Variants in FCAR observed in about 807,000 individuals in gnomAD.
FCAR encodes the protein Fc alpha receptor.
A neutral mutation model predicts 27.1 loss-of-function variants in FCAR; 21 were observed. The ratio of observed to expected loss-of-function variants is 0.77; its 90% CI spans 0.55 to 1.11. FCAR has a LOEUF of 1.11. Among genes scored for constraint, FCAR ranks in the 50% most tolerant of loss-of-function variants. The pLI is 0.00. For missense variants in FCAR, 404 were observed against 358.4 expected, an observed-to-expected ratio of 1.13 and a Z score of -1.03; for synonymous variants, 134 against 135.8, an observed-to-expected ratio of 0.99 and a Z score of 0.09.
At chr19:54,877,001 T>A (rs2066136143) in intron 2 of FCAR, among the ~76,000 whole-genome samples, 1 of 152,222 alleles carries the variant, frequency 6.6e-6, no homozygotes, top group South Asian at 2.1e-4. Context: ...GATAGTTTGC[T>A]AGTATTTTGT....
intron 3 of FCAR, among the ~76,000 whole-genome samples, chr19:54,887,617 T>C (rs1232859621): frequency 1.4e-5 from 2 of 143,154 alleles, no homozygotes; most frequent in South Asian, 2.2e-4. Flanking sequence ...TGAGACTCCA[T>C]CTCAAAAAAC....
chr19:54,874,554 T>C (rs1359776460), intron 1 of FCAR, among the ~76,000 whole-genome samples: 2 of 152,138 alleles, frequency 1.3e-5, no homozygotes, highest in African/African-American at 2.4e-5. Context: ...TAGTGTGTTA[T>C]CTGGGATTCA....
Position 54,889,873 on chromosome 19 carries a change from GGT to G in FCAR, c.*12_*13del, listed in dbSNP as rs748435350. 1 of 1,589,682 alleles carries G rather than the reference GGT, an allele frequency of 6.3e-7. No homozygotes were observed. Among genetic ancestry groups the G allele is most frequent in the South Asian group, 1.1e-5 (1 of 90,882 alleles). On this transcript the variant is annotated 3_prime_UTR_variant, in exon 5 of 5. Coordinates refer to ENST00000355524, the MANE Select transcript of FCAR (RefSeq NM_002000.4). ...AAGTGTCTGCAAGTAAACACCTGGA[GGT>G]GAAGGCAGAGAGGAGCCAGGACTGT...
At chr19:54,889,623 T>C (rs371887172) in intron 4 of FCAR, 26 bp from the exon 5 acceptor site, 2 of 1,582,782 alleles carry the variant, frequency 1.3e-6, no homozygotes, top group Non-Finnish European at 1.7e-6. Flanking sequence ...CCACCAACCA[T>C]TCATCTCCTT....
chr19:54,889,690 A>C lies in FCAR; in HGVS notation c.691A>C (p.Met231Leu). Reference protein sequence around the residue: ...QDYTTQNLIRMAVAGLVLVAL... With the variant: ...QDYTTQNLIRLAVAGLVLVAL... Reference sequence around the variant, plus strand: ...TTACACGACGCAGAACTTGATCCGCATGGCCGTGGCAGGACTGGTCCTCGT... The same window carrying C: ...TTACACGACGCAGAACTTGATCCGCCTGGCCGTGGCAGGACTGGTCCTCGT... Residue 231 changes from methionine to leucine, a missense_variant, in exon 5 of 5, where the codon ATG becomes CTG. Physicochemically the swap from Met to Leu is conservative, Grantham distance 15. Coordinates refer to ENST00000355524, the MANE Select transcript of FCAR (RefSeq NM_002000.4). The C allele has an allele frequency of 6.2e-7, 1 of 1,614,172 alleles. No individual in the cohort carries two copies. The highest frequency in any genetic ancestry group is 8.5e-7 in the Non-Finnish European group (1 of 1,180,026).
At chr19:54,875,249 T>C (rs1319265030) in intron 1 of FCAR, 81 bp from the exon 2 acceptor site, 1 of 1,194,952 alleles carries the variant, frequency 8.4e-7, no homozygotes, top group Non-Finnish European at 1.2e-6. Context: ...CTGGTCTTTT[T>C]CTGGTCTGTC....
intron 2 of FCAR, among the ~76,000 whole-genome samples, chr19:54,877,340 G>A (rs957181432): frequency 1.3e-5 from 2 of 152,110 alleles, no homozygotes; most frequent in African/African-American, 4.8e-5. Context: ...GGGTGTATGT[G>A]TCCAGGAATT....
intron 2 of FCAR, among the ~76,000 whole-genome samples, chr19:54,876,683 G>A (rs1044949723): frequency 6.6e-6 from 1 of 152,126 alleles, no homozygotes; most frequent in Admixed American, 6.6e-5. Flanking sequence ...ACTTTGGGAA[G>A]CCAAGGCTTG....
intron 3 of FCAR, 25 bp from the exon 4 acceptor site, chr19:54,887,982 A>G: frequency 6.4e-7 from 1 of 1,564,292 alleles, no homozygotes; most frequent in Non-Finnish European, 8.7e-7. Flanking sequence ...AGGTCTTTCT[A>G]ATAGCTCACT....
chr19:54,878,022 TCTC>T (rs1430046363), intron 2 of FCAR, among the ~76,000 whole-genome samples: 1 of 151,456 alleles, frequency 6.6e-6, no homozygotes, highest in Non-Finnish European at 1.5e-5. Context: ...TTCACACCAT[TCTC>T]CTGCCTCAGC....
chr19:54,890,061 C>T lies in FCAR; in HGVS notation c.*198C>T. Reference sequence around the variant, plus strand: ...TTGAACCTCTTGGGTTCAAGTGATTCTTGTGCCTCAGCCTCCCAAGTAGCT... The same window carrying T: ...TTGAACCTCTTGGGTTCAAGTGATTTTTGTGCCTCAGCCTCCCAAGTAGCT... On this transcript the variant is annotated 3_prime_UTR_variant, in exon 5 of 5. Transcript: ENST00000355524. 1 of 589,168 alleles carries T rather than the reference C, an allele frequency of 1.7e-6. No individual in the cohort carries two copies. Among genetic ancestry groups the T allele is most frequent in the Non-Finnish European group, 3.0e-6 (1 of 331,184 alleles). The allele number at this position is 589,168 out of a possible 1,614,324, so 36.5% of individuals were successfully genotyped here.
In FCAR at chr19:54,874,971, C is replaced by A. The variant is rs571572828; in HGVS notation, c.35-359C>A. Among the ~76,000 whole-genome samples the A allele has an allele frequency of 8.5e-5, 13 of 152,180 alleles. No homozygotes were observed. The East Asian group carries it at 2.5e-3, about 29-fold the overall frequency. ...GGATCACAAGGTCAGGAGATCAAAA[C>A]CATCCTGGCCAACATGGTGAAACCC... On this transcript the variant is annotated intron_variant, in intron 1 of 4. Coordinates refer to ENST00000355524, the MANE Select transcript of FCAR (RefSeq NM_002000.4).
At position 54,890,014 on chromosome 19, in the gene FCAR, G is replaced by A; in HGVS notation, c.*151G>A. 1.6e-6 allele frequency: 1 copy of A among 617,502 alleles called. No individual in the cohort carries two copies. Among genetic ancestry groups the A allele is most frequent in the Non-Finnish European group, 2.9e-6 (1 of 350,540 alleles). The allele number at this position is 617,502 out of a possible 1,614,324, so 38.3% of individuals were successfully genotyped here. ...CTGGCTCTGTCACCCAGGCTGGAGTGCAGTGGAGCAATCTCGGCTCATTGA... is the reference window on the plus strand; with the variant it reads ...CTGGCTCTGTCACCCAGGCTGGAGTACAGTGGAGCAATCTCGGCTCATTGA... On this transcript the variant is annotated 3_prime_UTR_variant, in exon 5 of 5. Coordinates refer to ENST00000355524, the MANE Select transcript of FCAR (RefSeq NM_002000.4).
intron 2 of FCAR, among the ~76,000 whole-genome samples, chr19:54,883,181 ATTTTTTT>A (rs60755830): frequency 7.1e-6 from 1 of 139,878 alleles, no homozygotes. Context: ...AATTTTTGTA[ATTTTTTT>A]TTTTTTTTTG....
intron 4 of FCAR, chr19:54,888,859 T>C (rs1390878171): frequency 2.0e-6 from 2 of 986,140 alleles, no homozygotes; most frequent in Admixed American, 6.1e-5. Flanking sequence ...TGTAGAGATG[T>C]GATTAGGTAT....
At position 54,885,385 on chromosome 19, in the gene FCAR, G is replaced by A. The variant is rs2066654118; in HGVS notation, c.221G>A (p.Arg74Lys). Residue 74 changes from arginine (R) to lysine (K), a missense_variant, in exon 3 of 5, where the codon AGA becomes AAA. Coordinates refer to ENST00000355524, the MANE Select transcript of FCAR (RefSeq NM_002000.4). ...KNSTYREIGRRLKFWNETDPE... is the reference protein window; with the variant it reads ...KNSTYREIGRKLKFWNETDPE... ...TCCACGTACCGAGAGATAGGCAGAA[G>A]ACTGAAGTTTTGGAATGAGACTGAT... 6.2e-7 allele frequency: 1 copy of A among 1,614,102 alleles called. No individual in the cohort carries two copies. Among genetic ancestry groups the A allele is most frequent in the Non-Finnish European group, 8.5e-7 (1 of 1,180,026 alleles).
chr19:54,875,315 A>G lies in FCAR; in HGVS notation c.35-15A>G, dbSNP rs1392973209. 1 of 1,612,350 alleles carries G rather than the reference A, an allele frequency of 6.2e-7. No individual in the cohort carries two copies. The highest frequency in any genetic ancestry group is 8.5e-7 in the Non-Finnish European group (1 of 1,179,144). On this transcript the variant is annotated splice_polypyrimidine_tract_variant and intron_variant, in intron 1 of 4. Coordinates refer to ENST00000355524, the MANE Select transcript of FCAR (RefSeq NM_002000.4). ...GAAATGGAAGCTTGATTTTTCATAA[A>G]TCTCTCTCTTCCAGTGCTCTGTCTG... is the stretch of plus-strand genomic sequence containing the variant.
intron 2 of FCAR, among the ~76,000 whole-genome samples, chr19:54,883,439 C>G (rs780087187): frequency 3.3e-5 from 5 of 152,200 alleles, no homozygotes; most frequent in Non-Finnish European, 7.3e-5. Context: ...GGGGCTCCCT[C>G]AGGCAGGGCA....
chr19:54,885,098 AC>A (rs2066628737), intron 2 of FCAR, 136 bp from the exon 3 acceptor site: 1 of 730,688 alleles, frequency 1.4e-6, no homozygotes, highest in African/African-American at 1.8e-5. Context: ...GAGCTACCGC[AC>A]CCGGCCTAAA....
Sources: allele counts gnomAD v4.1 joint callset (sites outside exome capture counted in the v4.1 genomes callset), GRCh38; gene constraint gnomAD v4.1.1; transcripts MANE v1.5; gene names NCBI Gene and HGNC (gene_info 2026-07-23, HGNC 2026-07-21).